Variants in CCDC163 observed in about 807,000 individuals in gnomAD.
The protein encoded by CCDC163 is transmembrane protein CCDC163.
In CCDC163, 13 loss-of-function variants were observed where a neutral mutation model predicts 8.2. The observed-to-expected ratio is 1.59, with a 90% CI of 1.04 to 2.54. CCDC163 has a LOEUF of 2.54. Among genes scored for constraint, CCDC163 ranks in the 30% most tolerant of loss-of-function variants. The probability of loss-of-function intolerance (pLI) is 0.00; values close to 1 mark genes in which losing one functional copy is unlikely to be tolerated. For synonymous variants in CCDC163, 41 were observed against 30.9 expected, an observed-to-expected ratio of 1.33 and a Z score of -1.08; for missense variants, 117 against 78.6, an observed-to-expected ratio of 1.49 and a Z score of -1.85.
At chr1:45,497,708 G>GGGGGGGTC (rs1643368957) in intron 2 of CCDC163, among the ~76,000 whole-genome samples, 1 of 3,116 alleles carries the variant, frequency 3.2e-4, no homozygotes, top group East Asian at 5.4e-3. Context: ...GAGGGAGGTG[G>GGGGGGGTC]AGGGGGTCAG....
chr1:45,498,394 C>CAAA (rs779532347), intron 2 of CCDC163: 83 of 104,144 alleles, frequency 8.0e-4, no homozygotes, highest in East Asian at 1.1e-3. Flanking sequence ...AAAACAAACC[C>CAAA]AAAAAAAAAA....
rs772327250 is a variant in CCDC163 at position 45,499,806 on chromosome 1, C to T, written c.-197G>A. 1.5e-4 allele frequency: 88 copies of T among 594,222 alleles called. No individual in the cohort carries two copies. The highest frequency in any genetic ancestry group is 2.4e-4 in the Non-Finnish European group (81 of 333,294). The allele number at this position is 594,222 out of a possible 1,614,324, so 36.8% of individuals were successfully genotyped here. On this transcript the variant is annotated 5_prime_UTR_variant, in exon 1 of 5. Transcript: ENST00000629482. ...CCTGTGACTAGGGAAAGGAAGGACGCTCTTGGGGAACTGGGGGAAAAGCGG... is the reference window on the plus strand; with the variant it reads ...CCTGTGACTAGGGAAAGGAAGGACGTTCTTGGGGAACTGGGGGAAAAGCGG...
chr1:45,497,196 TC>T, intron 3 of CCDC163, 102 bp downstream of exon 3: 1 of 593,242 alleles, frequency 1.7e-6, no homozygotes, highest in Non-Finnish European at 3.0e-6. Context: ...AGACTCCATC[TC>T]AAAAAGAATA....
intron 4 of CCDC163, 96 bp downstream of exon 4, chr1:45,496,460 G>C (rs1242170616): frequency 1.5e-5 from 11 of 718,164 alleles, no homozygotes; most frequent in East Asian, 1.3e-4. Context: ...AGGGGCAGGA[G>C]AGGGTATCCT....
rs371363033 is a variant in CCDC163, at chr1:45,495,179, A to T, written c.331-13T>A. 2.7e-5 allele frequency: 21 copies of T among 780,740 alleles called. No individual in the cohort carries two copies. The African/African-American group carries it at 2.9e-4, about 11-fold the overall frequency. The allele number at this position is 780,740 out of a possible 1,614,324, so 48.4% of individuals were successfully genotyped here. A position where few individuals can be genotyped will look rare whatever the true frequency, so the allele number is the denominator to read the frequency against. ...CTCCTCTGGGGATCTAAGAGGAAAGAAAAGGGAAGAGAAAACAAGTCATCA... is the reference window on the plus strand; with the variant it reads ...CTCCTCTGGGGATCTAAGAGGAAAGTAAAGGGAAGAGAAAACAAGTCATCA... On this transcript the variant is annotated splice_polypyrimidine_tract_variant and intron_variant, in intron 4 of 4. Coordinates refer to ENST00000629482, the MANE Select transcript of CCDC163 (RefSeq NM_001102601.3).
Position 45,499,742 on chromosome 1 carries a change from C to T in CCDC163, c.-133G>A. ...GAAAGAGGGAAGTGGGGATGCAACA[C>T]TGGGGTAGGTGGATGCACTATCAGA... is the stretch of plus-strand genomic sequence containing the variant. On this transcript the variant is annotated 5_prime_UTR_variant, in exon 1 of 5. In the 5' UTR this introduces an upstream ATG that the reference lacks. Transcript: ENST00000629482. The T allele has an allele frequency of 1.6e-6, 1 of 643,628 alleles. No individual in the cohort carries two copies. Among genetic ancestry groups the T allele is most frequent in the Non-Finnish European group, 2.8e-6 (1 of 354,162 alleles). The allele number at this position is 643,628 out of a possible 1,614,324, so 39.9% of individuals were successfully genotyped here. A position where few individuals can be genotyped will look rare whatever the true frequency, so the allele number is the denominator to read the frequency against.
rs1228568322 is a variant in CCDC163 at position 45,499,447 on chromosome 1, C to A, written c.79-4G>T. The stretch of plus-strand genomic sequence containing the variant: ...CCCCAAGAGGATACAGCCACTGCTA[C>A]AAAAGAAACAGATGCACAGGCCAAT... On this transcript the variant is annotated splice_polypyrimidine_tract_variant and splice_region_variant and intron_variant, in intron 1 of 4. Coordinates refer to ENST00000629482, the MANE Select transcript of CCDC163 (RefSeq NM_001102601.3). 1.3e-6 allele frequency: 1 copy of A among 778,832 alleles called. No homozygotes were observed. Among genetic ancestry groups the A allele is most frequent in the Middle Eastern group, 2.3e-4 (1 of 4,440 alleles). The allele number at this position is 778,832 out of a possible 1,614,324, so 48.2% of individuals were successfully genotyped here.
At chr1:45,497,882 C>A (rs1643387307) in intron 2 of CCDC163, among the ~76,000 whole-genome samples, 2 of 146,248 alleles carry the variant, frequency 1.4e-5, no homozygotes, top group South Asian at 4.5e-4. Context: ...GGGAGGTGTG[C>A]CCAACAGCTC....
intron 4 of CCDC163, chr1:45,495,655 CTTTTTTTTTTTTT>C (rs71052890): frequency 0.41 from 189,504 of 465,296 alleles, 15,520 homozygotes; most frequent in African/African-American, 0.52. Flanking sequence ...TCTCCTCCCT[CTTTTTTTTTTTTT>C]TTTTTTTTTT....
intron 4 of CCDC163, chr1:45,496,237 C>G: frequency 2.3e-6 from 1 of 425,572 alleles, no homozygotes; most frequent in Non-Finnish European, 4.4e-6. Context: ...CCCTTGCCTT[C>G]CTGGCCACTT....
At chr1:45,499,474 A>C (rs548479868) in intron 1 of CCDC163, 31 bp from the exon 2 acceptor site, 8 of 777,594 alleles carry the variant, frequency 1.0e-5, no homozygotes, top group Non-Finnish European at 1.9e-5. Context: ...CAGGCCAATG[A>C]ACTCTGAGAG....
In CCDC163 at chr1:45,495,023, T is replaced by G. The variant is rs768487597; in HGVS notation, c.*36A>C. On this transcript the variant is annotated 3_prime_UTR_variant, in exon 5 of 5. Coordinates refer to ENST00000629482, the MANE Select transcript of CCDC163 (RefSeq NM_001102601.3). The stretch of plus-strand genomic sequence containing the variant: ...GAGGGGAGGGTGGGCAAAGAAGCCT[T>G]CATCCTACTATTCTTAACGAGTCCT... 1.0e-5 allele frequency: 8 copies of G among 780,570 alleles called. No homozygotes were observed. Among genetic ancestry groups the G allele is most frequent in the Non-Finnish European group, 1.7e-5 (7 of 417,854 alleles). 48.4% of individuals were successfully genotyped at this position (780,570 alleles called of 1,614,324 possible).
chr1:45,495,211 A>T (rs2149314145), intron 4 of CCDC163, 45 bp from the exon 5 acceptor site: 1 of 780,618 alleles, frequency 1.3e-6, no homozygotes, highest in East Asian at 2.4e-5. Flanking sequence ...ATCAGCAAGC[A>T]TTGTGATATG....
chr1:45,497,543 G>T (rs567549524), intron 2 of CCDC163, among the ~76,000 whole-genome samples, 160 bp from the exon 3 acceptor site: 33 of 148,312 alleles, frequency 2.2e-4, no homozygotes, highest in African/African-American at 7.5e-4. Context: ...ATGGCGCCCA[G>T]GCTGGAGTGC....
In CCDC163 at chr1:45,499,876, C is replaced by A; in HGVS notation, c.-267G>T. On this transcript the variant is annotated 5_prime_UTR_variant, in exon 1 of 5. Coordinates refer to ENST00000629482, the MANE Select transcript of CCDC163 (RefSeq NM_001102601.3). ...GATATCAGGTGGGGATTGAAGGTGC[C>A]AGAACCTGGTTGAGACCTCCCCAGA... The A allele has an allele frequency of 1.9e-6, 1 of 527,380 alleles. No homozygotes were observed. The highest frequency in any genetic ancestry group is 3.4e-5 in the East Asian group (1 of 29,006). 32.7% of individuals were successfully genotyped at this position (527,380 alleles called of 1,614,324 possible). A position where few individuals can be genotyped will look rare whatever the true frequency, so the allele number is the denominator to read the frequency against.
intron 3 of CCDC163, 52 bp downstream of exon 3, chr1:45,497,247 C>A: frequency 1.4e-6 from 1 of 730,824 alleles, no homozygotes. Flanking sequence ...GATGACTTTC[C>A]AGAAAAGGGG....
At chr1:45,497,267 C>T (rs772394818) in intron 3 of CCDC163, 32 bp downstream of exon 3, 6 of 768,752 alleles carry the variant, frequency 7.8e-6, no homozygotes, top group South Asian at 2.8e-5. Context: ...GACAAGGAAA[C>T]GCATATTCGC....
intron 2 of CCDC163, among the ~76,000 whole-genome samples, 196 bp downstream of exon 2, chr1:45,499,149 G>C (rs1483767556): frequency 6.6e-6 from 1 of 152,228 alleles, no homozygotes; most frequent in Non-Finnish European, 1.5e-5. Context: ...GCAGAGGCAA[G>C]TGATGAGAGG....
intron 4 of CCDC163, among the ~76,000 whole-genome samples, chr1:45,495,725 G>A (rs548373260): frequency 1.2e-3 from 171 of 140,746 alleles, no homozygotes; most frequent in Non-Finnish European, 1.9e-3. Context: ...GGAGTGCAAC[G>A]GCATGATCTC....
Sources: allele counts gnomAD v4.1 joint callset (sites outside exome capture counted in the v4.1 genomes callset), GRCh38; gene constraint gnomAD v4.1.1; transcripts MANE v1.5; gene names NCBI Gene and HGNC (gene_info 2026-07-23, HGNC 2026-07-21).